The following MSI2 variants were observed in gnomAD, a reference collection of about 807,000 sequenced individuals.
The protein encoded by MSI2 is RNA-binding protein Musashi homolog 2.
Under a neutral mutation model 45.6 loss-of-function variants are expected in MSI2, and 17 were observed. That is an observed-to-expected ratio of 0.37 (90% CI 0.26 to 0.56). The LOEUF is 0.56. MSI2 is among the 20% of genes least tolerant of loss of function. MSI2 has a pLI of 0.77. For missense variants in MSI2, 293 were observed against 444.2 expected, an observed-to-expected ratio of 0.66 and a Z score of 3.06; for synonymous variants, 156 against 158.2, an observed-to-expected ratio of 0.99 and a Z score of 0.11.
At chr17:57,398,550 C>T (rs1211202767) in intron 5 of MSI2, among the ~76,000 whole-genome samples, 3 of 152,184 alleles carry the variant, frequency 2.0e-5, no homozygotes, top group Non-Finnish European at 4.4e-5. Context: ...TTTTCAAAGA[C>T]ACGTTTTTGT....
At chr17:57,418,332 A>C (rs140272612) in intron 6 of MSI2, among the ~76,000 whole-genome samples, 1 of 152,254 alleles carries the variant, frequency 6.6e-6, no homozygotes, top group Non-Finnish European at 1.5e-5. Flanking sequence ...GGGCATGGCT[A>C]TGCTCATTTG....
intron 6 of MSI2, among the ~76,000 whole-genome samples, chr17:57,422,728 A>G (rs1325805682): frequency 6.6e-6 from 1 of 152,258 alleles, no homozygotes; most frequent in Non-Finnish European, 1.5e-5. Context: ...GTGGCGCATT[A>G]TATAAATCAG....
rs547070279 is a variant in MSI2 at position 57,680,716 on chromosome 17, T to C, written c.*1199T>C. ...AAAACAAAGCTACAATTTTAATATT[T>C]AACATATTTAAAGTTTCAAAGCACA... On this transcript the variant is annotated 3_prime_UTR_variant, in exon 14 of 14. Coordinates refer to ENST00000284073, the MANE Select transcript of MSI2 (RefSeq NM_138962.4). 18 of 112,120 alleles carry C rather than the reference T, an allele frequency of 1.6e-4. 1 individual carries two copies. The Admixed American group carries it at 2.0e-3, about 12-fold the overall frequency. The allele number at this position is 112,120 out of a possible 1,614,324, so 6.9% of individuals were successfully genotyped here. A position where few individuals can be genotyped will look rare whatever the true frequency, so the allele number is the denominator to read the frequency against.
chr17:57,668,435 C>A (rs1270968873), intron 11 of MSI2, among the ~76,000 whole-genome samples: 2 of 152,116 alleles, frequency 1.3e-5, no homozygotes, highest in African/African-American at 4.8e-5. Context: ...CCATCAGTTC[C>A]CTACTTGAGA....
At chr17:57,633,526 C>T (rs1313346475) in intron 10 of MSI2, among the ~76,000 whole-genome samples, 2 of 152,268 alleles carry the variant, frequency 1.3e-5, no homozygotes, top group African/African-American at 2.4e-5. Context: ...CGCCGTCTTA[C>T]CCTCGCGCCC....
intron 5 of MSI2, among the ~76,000 whole-genome samples, chr17:57,291,818 G>A (rs1434376034): frequency 6.6e-6 from 1 of 152,070 alleles, no homozygotes; most frequent in Non-Finnish European, 1.5e-5. Context: ...GAAGGACGGG[G>A]GAGCTGGAAC....
At chr17:57,454,070 G>A (rs1433545573) in intron 6 of MSI2, among the ~76,000 whole-genome samples, 1 of 152,274 alleles carries the variant, frequency 6.6e-6, no homozygotes, top group Non-Finnish European at 1.5e-5. Context: ...TCACAGGGCA[G>A]AAGGCTCAGT....
At chr17:57,340,503 G>C (rs1915046475) in intron 5 of MSI2, among the ~76,000 whole-genome samples, 1 of 152,172 alleles carries the variant, frequency 6.6e-6, no homozygotes, top group Non-Finnish European at 1.5e-5. Flanking sequence ...AACAAAGGGT[G>C]GGGCATGAGA....
At chr17:57,431,308 CATGTAGG>C (rs916784035) in intron 6 of MSI2, among the ~76,000 whole-genome samples, 2 of 152,196 alleles carry the variant, frequency 1.3e-5, no homozygotes, top group African/African-American at 2.4e-5. Context: ...GAACGGCCAC[CATGTAGG>C]ATGTGGGTGG....
At chr17:57,390,461 G>T (rs2083769718) in intron 5 of MSI2, among the ~76,000 whole-genome samples, 1 of 152,202 alleles carries the variant, frequency 6.6e-6, no homozygotes, top group Non-Finnish European at 1.5e-5. Flanking sequence ...CACCCCGCAG[G>T]CCATGCGAAT....
At chr17:57,457,159 T>C (rs77065423) in intron 6 of MSI2, among the ~76,000 whole-genome samples, 5 of 152,132 alleles carry the variant, frequency 3.3e-5, no homozygotes, top group Admixed American at 2.6e-4. Flanking sequence ...TAGAGAACAC[T>C]CTAATAACTC....
At chr17:57,495,846 G>T (rs1469358619) in intron 6 of MSI2, among the ~76,000 whole-genome samples, 1 of 152,196 alleles carries the variant, frequency 6.6e-6, no homozygotes, top group African/African-American at 2.4e-5. Flanking sequence ...TGTCATTTTT[G>T]ATATCTTCTG....
chr17:57,492,138 A>C (rs2085884934), intron 6 of MSI2, among the ~76,000 whole-genome samples: 2 of 152,318 alleles, frequency 1.3e-5, no homozygotes, highest in South Asian at 2.1e-4. Flanking sequence ...TAAGTCTTTC[A>C]TTTGTAATTC....
chr17:57,472,281 C>A (rs573383270), intron 6 of MSI2, among the ~76,000 whole-genome samples: 1 of 152,226 alleles, frequency 6.6e-6, no homozygotes, highest in Non-Finnish European at 1.5e-5. Context: ...GCAGGCACAC[C>A]TATGCTCAGT....
chr17:57,673,719 G>GA (rs973401922), intron 11 of MSI2, among the ~76,000 whole-genome samples: 1 of 152,056 alleles, frequency 6.6e-6, no homozygotes, highest in African/African-American at 2.4e-5. Context: ...GGATTGGGGG[G>GA]GCCGAGGCAG....
Position 57,683,751 on chromosome 17 carries a change from G to A in MSI2, c.*4234G>A, listed in dbSNP as rs776027856. ...GGAAGGCAGACAGTGGGAGAGCAGA[G>A]GGACTGACTGCAGGCAAGCACATTG... On this transcript the variant is annotated 3_prime_UTR_variant, in exon 14 of 14. Transcript: ENST00000284073. The surrounding 1 kb of genome is among the most constrained non-coding windows in gnomAD (Gnocchi z 5.2). The A allele has an allele frequency of 3.5e-5, 8 of 231,072 alleles. No individual in the cohort carries two copies. Among genetic ancestry groups the A allele is most frequent in the Non-Finnish European group, 6.0e-5 (7 of 117,006 alleles). The allele number at this position is 231,072 out of a possible 1,614,324, so 14.3% of individuals were successfully genotyped here. A position where few individuals can be genotyped will look rare whatever the true frequency, so the allele number is the denominator to read the frequency against.
At chr17:57,557,799 G>A (rs562290876) in intron 7 of MSI2, among the ~76,000 whole-genome samples, 1 of 152,342 alleles carries the variant, frequency 6.6e-6, no homozygotes, top group South Asian at 2.1e-4. Flanking sequence ...CCCAGTTTGG[G>A]TCTGAGTTAA....
chr17:57,440,294 T>G (rs1269409058), intron 6 of MSI2, among the ~76,000 whole-genome samples: 1 of 152,136 alleles, frequency 6.6e-6, no homozygotes, highest in Non-Finnish European at 1.5e-5. Context: ...CTCATTCCCT[T>G]TGAAATAGCT....
At chr17:57,281,983 C>G (rs531059741) in intron 5 of MSI2, among the ~76,000 whole-genome samples, 1 of 152,292 alleles carries the variant, frequency 6.6e-6, no homozygotes, top group South Asian at 2.1e-4. Flanking sequence ...GTTGGAGTGG[C>G]TGGCTGAGGA....
Sources: gnomAD v4.1 joint callset for allele counts (sites outside exome capture counted in the v4.1 genomes callset) on GRCh38, gnomAD v4.1.1 for gene constraint, Gnocchi (gnomAD v3.1) non-coding constraint, MANE v1.5 for transcripts, NCBI Gene and HGNC (gene_info 2026-07-23, HGNC 2026-07-21) for gene names.